The following TBC1D5 variants were observed in gnomAD, a reference collection of about 807,000 sequenced individuals.
TBC1D5 encodes TBC1 domain family, member 5.
A neutral mutation model predicts 100.3 loss-of-function variants in TBC1D5; 75 were observed. The ratio of observed to expected loss-of-function variants is 0.75; its 90% CI spans 0.62 to 0.91. The LOEUF is 0.91. Among genes scored for constraint, TBC1D5 ranks in the 40% least tolerant of loss-of-function variants. The probability of loss-of-function intolerance (pLI) is 0.00; values close to 1 mark genes in which losing one functional copy is unlikely to be tolerated. For missense variants in TBC1D5, 910 were observed against 942.4 expected (o/e 0.97, Z 0.45); for synonymous variants, 323 against 325.6 (o/e 0.99, Z 0.09).
chr3:17,466,117 G>A (rs1684340580), intron 3 of TBC1D5, among the ~76,000 whole-genome samples: 1 of 152,176 alleles, frequency 6.6e-6, no homozygotes, highest in African/African-American at 2.4e-5. Context: ...ACTCAGGAAC[G>A]TAGACTGTTT....
chr3:17,248,715 G>A (rs958361282), intron 16 of TBC1D5, among the ~76,000 whole-genome samples: 2 of 152,122 alleles, frequency 1.3e-5, no homozygotes, highest in Non-Finnish European at 2.9e-5. Flanking sequence ...TGAACAGTAG[G>A]TCTCAACAGT....
chr3:17,424,839 A>G (rs538076187), intron 4 of TBC1D5, among the ~76,000 whole-genome samples: 6 of 152,286 alleles, frequency 3.9e-5, no homozygotes, highest in African/African-American at 1.4e-4. Context: ...GTTAGGGTCG[A>G]TTCACTTTAA....
At chr3:17,467,249 A>G (rs1444346221) in intron 3 of TBC1D5, among the ~76,000 whole-genome samples, 4 of 147,828 alleles carry the variant, frequency 2.7e-5, no homozygotes, top group Non-Finnish European at 5.9e-5. Flanking sequence ...CTAACTATTA[A>G]GTCCACCTAA....
At chr3:17,414,858 C>G (rs1353280212) in intron 4 of TBC1D5, among the ~76,000 whole-genome samples, 1 of 152,060 alleles carries the variant, frequency 6.6e-6, no homozygotes, top group Non-Finnish European at 1.5e-5. Context: ...GGGCATATCT[C>G]TTATACATAA....
At chr3:17,529,361 C>T (rs2096185419) in intron 2 of TBC1D5, among the ~76,000 whole-genome samples, 1 of 152,164 alleles carries the variant, frequency 6.6e-6, no homozygotes, top group South Asian at 2.1e-4. Context: ...GGGAATAAAA[C>T]ATATATTTCA....
chr3:17,556,170 A>G (rs2096518631), intron 2 of TBC1D5, among the ~76,000 whole-genome samples: 1 of 152,002 alleles, frequency 6.6e-6, no homozygotes, highest in Non-Finnish European at 1.5e-5. Flanking sequence ...ATGTACCACC[A>G]CACCTGGCTA....
chr3:17,417,253 C>CAT (rs1246026189), intron 4 of TBC1D5, among the ~76,000 whole-genome samples: 1 of 151,736 alleles, frequency 6.6e-6, no homozygotes, highest in Non-Finnish European at 1.5e-5. Context: ...AGGTTAGTTA[C>CAT]ATATATATAC....
chr3:17,455,311 A>AC (rs1559923375), intron 3 of TBC1D5, among the ~76,000 whole-genome samples: 6 of 131,326 alleles, frequency 4.6e-5, no homozygotes, highest in African/African-American at 2.0e-4. Context: ...TATATATGTA[A>AC]ATATGTGTAT....
chr3:17,475,333 T>C (rs1382998666), intron 3 of TBC1D5, among the ~76,000 whole-genome samples: 1 of 152,022 alleles, frequency 6.6e-6, no homozygotes, highest in Non-Finnish European at 1.5e-5. Context: ...GACGTCACCA[T>C]ACAAGGCAAA....
chr3:17,357,208 T>C (rs1484581869), intron 13 of TBC1D5, among the ~76,000 whole-genome samples: 1 of 152,136 alleles, frequency 6.6e-6, no homozygotes. Flanking sequence ...AATAAAAGAC[T>C]GCACAGGCAG....
intron 2 of TBC1D5, among the ~76,000 whole-genome samples, chr3:17,571,614 C>T (rs894800734): frequency 1.3e-4 from 19 of 151,978 alleles, no homozygotes; most frequent in African/African-American, 4.6e-4. Flanking sequence ...CAGTCCATTG[C>T]TCTCTCTTTC....
intron 18 of TBC1D5, among the ~76,000 whole-genome samples, chr3:17,196,912 G>C (rs1238560146): frequency 6.6e-6 from 1 of 152,158 alleles, no homozygotes; most frequent in Admixed American, 6.5e-5. Context: ...AGCATAACCC[G>C]AAGTTCACAT....
In TBC1D5 at chr3:17,238,159, C is replaced by G; in HGVS notation, c.1588+4G>C. ...TCTTTAGATTTACTAGTATTTTTTC[C>G]TACCTTTGTTCAATTGCACAGGCAT... On this transcript the variant is annotated splice_donor_region_variant and intron_variant, in intron 17 of 21. Transcript: ENST00000253692. 1 of 1,606,652 alleles carries G rather than the reference C, an allele frequency of 6.2e-7. No homozygotes were observed. The highest frequency in any genetic ancestry group is 1.7e-5 in the Admixed American group (1 of 58,622).
At chr3:17,558,598 A>G (rs2096536884) in intron 2 of TBC1D5, among the ~76,000 whole-genome samples, 1 of 152,238 alleles carries the variant, frequency 6.6e-6, no homozygotes, top group Non-Finnish European at 1.5e-5. Context: ...TTTATTGTAA[A>G]TAACAGATTA....
At chr3:17,458,797 G>A (rs2095144469) in intron 3 of TBC1D5, among the ~76,000 whole-genome samples, 1 of 152,156 alleles carries the variant, frequency 6.6e-6, no homozygotes, top group Non-Finnish European at 1.5e-5. Flanking sequence ...GAAACCGTAA[G>A]TCATCCCAAC....
At chr3:17,530,035 G>A (rs1414824753) in intron 2 of TBC1D5, among the ~76,000 whole-genome samples, 1 of 152,114 alleles carries the variant, frequency 6.6e-6, no homozygotes, top group Non-Finnish European at 1.5e-5. Context: ...CCCGAGGTCA[G>A]GAGTTCAAGA....
In TBC1D5 at chr3:17,164,160, A is replaced by G. The variant is rs17043160; in HGVS notation, c.2094+2607T>C. On this transcript the variant is annotated intron_variant, in intron 21 of 21. Transcript: ENST00000253692. ...GATTTGTAAACCAAACAGAAAGAACACTATGAGCCATGTCACATCAACCTC... is the reference window on the plus strand; with the variant it reads ...GATTTGTAAACCAAACAGAAAGAACGCTATGAGCCATGTCACATCAACCTC... Among the ~76,000 whole-genome samples, 1,266 of 152,316 alleles carry G rather than the reference A, an allele frequency of 8.3e-3. 12 individuals carry two copies. The highest frequency in any genetic ancestry group is 0.027 in the African/African-American group (1,119 of 41,564).
intron 1 of TBC1D5, among the ~76,000 whole-genome samples, chr3:17,668,883 G>A (rs2067592816): frequency 6.6e-6 from 1 of 152,124 alleles, no homozygotes; most frequent in Non-Finnish European, 1.5e-5. Context: ...AATAGAGTGT[G>A]GAGGCAGTCA....
chr3:17,600,665 GT>G (rs1406444681), intron 2 of TBC1D5, among the ~76,000 whole-genome samples: 1 of 152,004 alleles, frequency 6.6e-6, no homozygotes, highest in East Asian at 1.9e-4. Context: ...AAGACTTTTG[GT>G]TTTCTAACCA....
Sources: gnomAD v4.1 joint callset for allele counts (sites outside exome capture counted in the v4.1 genomes callset) on GRCh38, gnomAD v4.1.1 for gene constraint, MANE v1.5 for transcripts, NCBI Gene and HGNC (gene_info 2026-07-23, HGNC 2026-07-21) for gene names.